Variants in TAFA5 observed in about 807,000 individuals in gnomAD.
The protein encoded by TAFA5 is TAFA chemokine like family member 5, also known as chemokine-like protein TAFA-5.
TAFA5 carries 6 observed loss-of-function variants against 15.3 expected under a neutral mutation model. The observed-to-expected ratio is 0.39, with a 90% CI of 0.21 to 0.77. The LOEUF is 0.77. Ranked by LOEUF, TAFA5 falls within the 30% of genes least tolerant of loss-of-function variation. TAFA5 has a pLI of 0.41. For missense variants in TAFA5, 161 were observed against 193.1 expected, an observed-to-expected ratio of 0.83 and a Z score of 0.98; for synonymous variants, 103 against 80.7, an observed-to-expected ratio of 1.28 and a Z score of -1.48.
At chr22:48,646,902 T>C (rs1926888512) in intron 2 of TAFA5, among the ~76,000 whole-genome samples, 156 bp downstream of exon 2, 1 of 152,090 alleles carries the variant, frequency 6.6e-6, no homozygotes, top group Admixed American at 6.5e-5. Context: ...TTCCCATGGA[T>C]GGTGTGAGCT....
chr22:48,591,719 C>A (rs1924574349), intron 1 of TAFA5, among the ~76,000 whole-genome samples: 1 of 152,090 alleles, frequency 6.6e-6, no homozygotes, highest in Non-Finnish European at 1.5e-5. Flanking sequence ...AGGGAGGGGC[C>A]ATGGCCAGCT....
intron 1 of TAFA5, among the ~76,000 whole-genome samples, chr22:48,615,615 C>CCCCCA (rs1235981180): frequency 6.6e-6 from 1 of 152,176 alleles, no homozygotes; most frequent in Non-Finnish European, 1.5e-5. Flanking sequence ...ATGAGGACAT[C>CCCCCA]CCCCACGGGT....
chr22:48,699,598 G>A (rs1928840336), intron 2 of TAFA5, among the ~76,000 whole-genome samples: 1 of 152,076 alleles, frequency 6.6e-6, no homozygotes, highest in Admixed American at 6.5e-5. Context: ...TAATAATCAC[G>A]TGGCTTTGTT....
intron 1 of TAFA5, among the ~76,000 whole-genome samples, chr22:48,640,686 T>G (rs564914166): frequency 2.0e-5 from 3 of 152,348 alleles, no homozygotes; most frequent in Non-Finnish European, 4.4e-5. Flanking sequence ...GGCTCACACC[T>G]GGCTCTGCCT....
chr22:48,722,314 C>G (rs997007253), intron 3 of TAFA5, among the ~76,000 whole-genome samples: 1 of 152,162 alleles, frequency 6.6e-6, no homozygotes, highest in African/African-American at 2.4e-5. Flanking sequence ...CCCAAGTGTT[C>G]ATCAATGATA....
chr22:48,663,569 A>T (rs1927517664), intron 2 of TAFA5, among the ~76,000 whole-genome samples: 1 of 152,248 alleles, frequency 6.6e-6, no homozygotes, highest in African/African-American at 2.4e-5. Context: ...AGCACACAGC[A>T]TTGCTTTCTG....
At chr22:48,537,181 G>T (rs1179106685) in intron 1 of TAFA5, among the ~76,000 whole-genome samples, 2 of 140,752 alleles carry the variant, frequency 1.4e-5, no homozygotes, top group East Asian at 2.3e-4. Context: ...TGTGGCTCTC[G>T]TTCCTCTGCC....
chr22:48,608,293 A>G (rs1327157451), intron 1 of TAFA5, among the ~76,000 whole-genome samples: 3 of 152,208 alleles, frequency 2.0e-5, no homozygotes, highest in Non-Finnish European at 1.5e-5. Flanking sequence ...CTCGCTATCC[A>G]GCACCGTAGC....
At chr22:48,621,488 T>C (rs1925836525) in intron 1 of TAFA5, among the ~76,000 whole-genome samples, 1 of 152,000 alleles carries the variant, frequency 6.6e-6, no homozygotes, top group Non-Finnish European at 1.5e-5. Flanking sequence ...GCACTTCTGC[T>C]CACTCTGGCC....
chr22:48,490,085 G>C lies in TAFA5; in HGVS notation c.112+381G>C, dbSNP rs929779793. 6.6e-6 allele frequency among the ~76,000 whole-genome samples: 1 copy of C among 152,042 alleles called. No homozygotes were observed. Among genetic ancestry groups the C allele is most frequent in the South Asian group, 2.1e-4 (1 of 4,836 alleles). On this transcript the variant is annotated intron_variant, in intron 1 of 3. Coordinates refer to ENST00000402357, the MANE Select transcript of TAFA5 (RefSeq NM_001082967.3). This position sits in a 1 kb window ranked among gnomAD's most constrained non-coding sequence, Gnocchi z 5.8. ...GTCGCGGAGGGCGGGCGGCGCTGCC[G>C]GGGTGTCTGCGGAGCGCCCTCCCCG...
Position 48,530,745 on chromosome 22 carries a change from C to A in TAFA5, c.112+41041C>A, listed in dbSNP as rs896301888. On this transcript the variant is annotated intron_variant, in intron 1 of 3. Transcript: ENST00000402357. The surrounding 1 kb of genome is among the most constrained non-coding windows in gnomAD (Gnocchi z 6.0). ...TCATAGCCACCTGGTTCACACCTGA[C>A]CCCCAGGCCCACCCCTTCAGGGGGC... Among the ~76,000 whole-genome samples the A allele has an allele frequency of 6.6e-6, 1 of 152,152 alleles. No homozygotes were observed. Among genetic ancestry groups the A allele is most frequent in the Non-Finnish European group, 1.5e-5 (1 of 68,026 alleles).
intron 3 of TAFA5, among the ~76,000 whole-genome samples, chr22:48,722,809 A>G (rs964941267): frequency 6.6e-6 from 1 of 151,876 alleles, no homozygotes; most frequent in African/African-American, 2.4e-5. Context: ...GCTGTCTCCA[A>G]TCAGCTGGGC....
At chr22:48,568,418 T>A (rs1048262597) in intron 1 of TAFA5, among the ~76,000 whole-genome samples, 1 of 152,198 alleles carries the variant, frequency 6.6e-6, no homozygotes, top group Non-Finnish European at 1.5e-5. Flanking sequence ...CATCTACCCT[T>A]GGTGCAGAAT....
rs75813894 is a variant in TAFA5, at chr22:48,609,181, A to C, written c.113-37416A>C. On this transcript the variant is annotated intron_variant, in intron 1 of 3. Coordinates refer to ENST00000402357, the MANE Select transcript of TAFA5 (RefSeq NM_001082967.3). ...TGGTGTGTTCTGAGGAGGAACCTCTACTTGGGTGGGAAATGCACGTCTCCC... is the reference window on the plus strand; with the variant it reads ...TGGTGTGTTCTGAGGAGGAACCTCTCCTTGGGTGGGAAATGCACGTCTCCC... Among the ~76,000 whole-genome samples, 702 of 152,284 alleles carry C rather than the reference A, an allele frequency of 4.6e-3. 2 individuals are homozygous for C. Among genetic ancestry groups the C allele is most frequent in the African/African-American group, 0.016 (668 of 41,556 alleles).
At chr22:48,713,010 C>G (rs1929299691) in intron 3 of TAFA5, among the ~76,000 whole-genome samples, 1 of 152,212 alleles carries the variant, frequency 6.6e-6, no homozygotes, top group African/African-American at 2.4e-5. Flanking sequence ...TTTGCTCAGC[C>G]ACGTTTTTGT....
chr22:48,685,800 A>C (rs1342650410), intron 2 of TAFA5, among the ~76,000 whole-genome samples: 2 of 152,118 alleles, frequency 1.3e-5, no homozygotes, highest in Non-Finnish European at 2.9e-5. Flanking sequence ...AGTCCTTTGC[A>C]TGTACACCTG....
In TAFA5 at chr22:48,646,664, G is replaced by A. The variant is rs35316568; in HGVS notation, c.180G>A (p.Thr60=). 10,178 of 1,612,032 alleles carry A rather than the reference G, an allele frequency of 6.3e-3. 106 individuals are homozygous for A. The highest frequency in any genetic ancestry group is 0.047 in the Middle Eastern group (286 of 6,062). Residue 60 remains threonine (T), a synonymous_variant, in exon 2 of 4, where the codon ACG becomes ACA. Coordinates refer to ENST00000402357, the MANE Select transcript of TAFA5 (RefSeq NM_001082967.3). ...GGGACAGCAGCCAGCCTCGGAGGAC[G>A]ATCGCCCGGCAGACCGCCCGCTGTG... ...LDRDSSQPRR[T]IARQTARCAC...
chr22:48,683,063 A>T (rs1928244707), intron 2 of TAFA5, among the ~76,000 whole-genome samples: 1 of 152,064 alleles, frequency 6.6e-6, no homozygotes, highest in Admixed American at 6.5e-5. Flanking sequence ...CTTGCTTTCC[A>T]CACTTACCTT....
At chr22:48,567,072 G>A (rs1006861920) in intron 1 of TAFA5, among the ~76,000 whole-genome samples, 1 of 152,210 alleles carries the variant, frequency 6.6e-6, no homozygotes, top group Admixed American at 6.5e-5. Flanking sequence ...GTGCTGCTTC[G>A]GGGCATTTTC....
Sources: gnomAD v4.1 joint callset for allele counts (sites outside exome capture counted in the v4.1 genomes callset) on GRCh38, gnomAD v4.1.1 for gene constraint, Gnocchi (gnomAD v3.1) non-coding constraint, MANE v1.5 for transcripts, NCBI Gene and HGNC (gene_info 2026-07-23, HGNC 2026-07-21) for gene names.